Variants in FRMD5 observed in about 807,000 individuals in gnomAD.
FRMD5 encodes FERM domain containing 5.
In FRMD5, 20 loss-of-function variants were observed where a neutral mutation model predicts 69.0. That is an observed-to-expected ratio of 0.29 (90% CI 0.20 to 0.42). FRMD5 has a LOEUF of 0.42. Among genes scored for constraint, FRMD5 ranks in the 10% least tolerant of loss-of-function variants. FRMD5 has a pLI of 1.00. For synonymous variants in FRMD5, 271 were observed against 260.1 expected (o/e 1.04, Z -0.40); for missense variants, 595 against 708.6 (o/e 0.84, Z 1.82).
intron 1 of FRMD5, among the ~76,000 whole-genome samples, chr15:44,126,761 G>A (rs2077029703): frequency 6.6e-6 from 1 of 152,032 alleles, no homozygotes; most frequent in South Asian, 2.1e-4. Context: ...CATACGTTAT[G>A]TTCCTCCCAC....
At chr15:43,914,009 CT>C (rs2089337514) in intron 4 of FRMD5, among the ~76,000 whole-genome samples, 2 of 152,180 alleles carry the variant, frequency 1.3e-5, no homozygotes, top group Admixed American at 1.3e-4. Flanking sequence ...CTCAGAGGGG[CT>C]TTACCTCACC....
In FRMD5 at chr15:44,016,718, A is replaced by G. The variant is rs963029325; in HGVS notation, c.103-92409T>C. Among the ~76,000 whole-genome samples the G allele has an allele frequency of 2.6e-5, 4 of 152,076 alleles. No individual in the cohort carries two copies. The South Asian group carries it at 8.3e-4, about 32-fold the overall frequency. ...AACCTGGGCAAAATAGTGAGACTCC[A>G]TCTCAAAAACAAAACAAAAAAAAAA... On this transcript the variant is annotated intron_variant, in intron 1 of 13. Transcript: ENST00000417257.
chr15:43,970,754 A>AC (rs1186027592), intron 1 of FRMD5, among the ~76,000 whole-genome samples: 2 of 152,146 alleles, frequency 1.3e-5, no homozygotes, highest in Non-Finnish European at 2.9e-5. Context: ...TACCTGCCAT[A>AC]CCCCATCTAT....
chr15:44,195,033 C>T lies in FRMD5; in HGVS notation c.22G>A (p.Gly8Ser). MLSRLMSGSSRSLEREYS... is the reference protein window; with the variant it reads MLSRLMSSSSRSLEREYS... ...TCGCGCTCCAGGCTCCTGCTGCTGCCGCTCATCAACCTGCTCAGCATCTTC... is the reference window on the plus strand; with the variant it reads ...TCGCGCTCCAGGCTCCTGCTGCTGCTGCTCATCAACCTGCTCAGCATCTTC... The change falls in exon 1 of 14, where the codon GGC becomes AGC. Residue 8 changes from glycine to serine, a missense_variant. Gly to Ser is a moderately conservative substitution (Grantham distance 56, BLOSUM62 0). Transcript: ENST00000417257. 1.3e-6 allele frequency: 2 copies of T among 1,552,138 alleles called. No homozygotes were observed. Among genetic ancestry groups the T allele is most frequent in the Non-Finnish European group, 1.7e-6 (2 of 1,154,092 alleles).
intron 5 of FRMD5, among the ~76,000 whole-genome samples, chr15:43,906,978 A>G (rs1254068828): frequency 1.3e-5 from 2 of 152,092 alleles, no homozygotes; most frequent in Non-Finnish European, 2.9e-5. Flanking sequence ...ATTCAGAGAG[A>G]GTTTATCTCT....
At chr15:43,946,707 G>A (rs2089953457) in intron 1 of FRMD5, among the ~76,000 whole-genome samples, 2 of 152,156 alleles carry the variant, frequency 1.3e-5, no homozygotes, top group Non-Finnish European at 2.9e-5. Context: ...AGTTCTGCTA[G>A]ATGGGGCAGT....
intron 2 of FRMD5, 119 bp from the exon 3 acceptor site, chr15:43,919,928 C>A: frequency 3.4e-6 from 3 of 885,960 alleles, no homozygotes; most frequent in South Asian, 1.5e-5. Flanking sequence ...AGCCCAAAAG[C>A]TTATGAAAGA....
chr15:43,935,127 G>A (rs1024265577), intron 1 of FRMD5, among the ~76,000 whole-genome samples: 1 of 152,180 alleles, frequency 6.6e-6, no homozygotes, highest in African/African-American at 2.4e-5. Context: ...GTTTCCTGAA[G>A]GTTCTCCCAC....
chr15:44,183,405 C>T (rs144440767), intron 1 of FRMD5, among the ~76,000 whole-genome samples: 31 of 152,296 alleles, frequency 2.0e-4, no homozygotes, highest in African/African-American at 6.5e-4. Flanking sequence ...GGGCCCACCA[C>T]TCCACAGGAA....
At chr15:44,098,538 A>AAGAG (rs371344192) in intron 1 of FRMD5, among the ~76,000 whole-genome samples, 11 of 145,614 alleles carry the variant, frequency 7.6e-5, no homozygotes, top group East Asian at 4.1e-4. Context: ...AAAAAAAAAA[A>AAGAG]AGAGAGAGAG....
intron 1 of FRMD5, among the ~76,000 whole-genome samples, chr15:44,037,366 T>A (rs1295683741): frequency 6.6e-6 from 1 of 152,204 alleles, no homozygotes; most frequent in Non-Finnish European, 1.5e-5. Context: ...ATGTGCCACA[T>A]TTGCTTTATC....
intron 4 of FRMD5, among the ~76,000 whole-genome samples, chr15:43,911,612 G>A (rs913377174): frequency 6.6e-5 from 10 of 152,330 alleles, no homozygotes; most frequent in African/African-American, 1.9e-4. Flanking sequence ...AGCTGCTCTT[G>A]AATTCCTGAC....
At chr15:43,915,907 G>A (rs535536122) in intron 4 of FRMD5, among the ~76,000 whole-genome samples, 4 of 152,294 alleles carry the variant, frequency 2.6e-5, no homozygotes, top group South Asian at 4.1e-4. Context: ...GATGAATTAC[G>A]GATGTTGAGT....
At chr15:43,972,491 C>A (rs1457303646) in intron 1 of FRMD5, among the ~76,000 whole-genome samples, 1 of 151,938 alleles carries the variant, frequency 6.6e-6, no homozygotes, top group Non-Finnish European at 1.5e-5. Flanking sequence ...GATAAGAAAA[C>A]CTTTCTATAT....
intron 1 of FRMD5, among the ~76,000 whole-genome samples, chr15:44,150,597 C>T (rs916457692): frequency 6.7e-6 from 1 of 150,212 alleles, no homozygotes; most frequent in Non-Finnish European, 1.5e-5. Context: ...CTGGGCAACA[C>T]AGTGAGAGAC....
At chr15:44,083,674 C>T (rs1336902681) in intron 1 of FRMD5, among the ~76,000 whole-genome samples, 4 of 151,900 alleles carry the variant, frequency 2.6e-5, no homozygotes, top group African/African-American at 7.3e-5. Flanking sequence ...CCATTCAAGA[C>T]GCTGAGATAA....
intron 1 of FRMD5, among the ~76,000 whole-genome samples, chr15:44,123,146 A>G (rs2076978453): frequency 6.6e-6 from 1 of 152,026 alleles, no homozygotes; most frequent in Admixed American, 6.6e-5. Context: ...GGAGTTTGAG[A>G]CCAGCCTGGC....
chr15:43,900,284 TTGGAGCAATTTA>T (rs1202697206), intron 7 of FRMD5, among the ~76,000 whole-genome samples: 1 of 152,154 alleles, frequency 6.6e-6, no homozygotes, highest in Non-Finnish European at 1.5e-5. Context: ...GCTAACAGTA[TTGGAGCAATTTA>T]TGGAGGGGTT....
At chr15:44,049,327 G>A (rs995822524) in intron 1 of FRMD5, among the ~76,000 whole-genome samples, 4 of 152,110 alleles carry the variant, frequency 2.6e-5, no homozygotes, top group Non-Finnish European at 2.9e-5. Flanking sequence ...CTTCAAAGTA[G>A]CTTAAAGAAA....
Sources: allele counts gnomAD v4.1 joint callset (sites outside exome capture counted in the v4.1 genomes callset), GRCh38; gene constraint gnomAD v4.1.1; transcripts MANE v1.5; gene names NCBI Gene and HGNC (gene_info 2026-07-23, HGNC 2026-07-21).